The following NDUFA11 variants were observed in gnomAD, a reference collection of about 807,000 sequenced individuals.
NDUFA11 encodes NADH:ubiquinone oxidoreductase subunit A11, also known as NADH dehydrogenase [ubiquinone] 1 alpha subcomplex subunit 11.
Under a neutral mutation model 11.3 loss-of-function variants are expected in NDUFA11, and 14 were observed. The ratio of observed to expected loss-of-function variants is 1.24; its 90% confidence interval spans 0.82 to 1.94. The LOEUF (loss-of-function observed/expected upper bound fraction) is 1.94, where lower values mean the gene tolerates loss of function less well. NDUFA11 is among the 30% of genes most tolerant of loss of function. The pLI is 0.00. For missense variants in NDUFA11, 204 were observed against 200.3 expected (o/e 1.02, Z -0.11); for synonymous variants, 87 against 85.6 (o/e 1.02, Z -0.09).
In NDUFA11 at chr19:5,896,583, G is replaced by A. The variant is rs368649093; in HGVS notation, c.191-8C>T. The A allele has an allele frequency of 3.2e-6, 5 of 1,562,344 alleles. No homozygotes were observed. In the African/African-American group the frequency reaches 4.1e-5, roughly 13 times the overall value. Reference sequence around the variant, plus strand: ...ACACGGCCCCGACAGCAGCTGCGGGGTAGACGGGAAGAGCAAGGGCCTCGA... The same window carrying A: ...ACACGGCCCCGACAGCAGCTGCGGGATAGACGGGAAGAGCAAGGGCCTCGA... On this transcript the variant is annotated splice_polypyrimidine_tract_variant and splice_region_variant and intron_variant, in intron 2 of 3. Coordinates refer to ENST00000308961, the MANE Select transcript of NDUFA11 (RefSeq NM_175614.5). The surrounding 1 kb of genome is among the most constrained non-coding windows in gnomAD (Gnocchi z 5.8).
intron 3 of NDUFA11, chr19:5,895,096 G>A (rs1405945822): frequency 2.6e-5 from 14 of 540,126 alleles, no homozygotes; most frequent in Middle Eastern, 5.0e-4. Flanking sequence ...TCCTCATCCC[G>A]CCCCACACTG....
downstream of NDUFA11, chr19:5,893,326 G>T: frequency 1.1e-6 from 1 of 887,868 alleles, no homozygotes; most frequent in Non-Finnish European, 1.7e-6. The surrounding 1 kb of genome is among the most constrained non-coding windows in gnomAD (Gnocchi z 4.1). Context: ...TTAGCTGGCT[G>T]TAGTGGTGCA....
intron 1 of NDUFA11, among the ~76,000 whole-genome samples, chr19:5,902,132 T>C (rs1211687911): frequency 6.6e-6 from 1 of 150,420 alleles, no homozygotes; most frequent in East Asian, 2.0e-4. Context: ...CCCGCCATCA[T>C]GCCTGGCTGA....
Position 5,896,897 on chromosome 19 carries a change from G to A in NDUFA11, c.190+8C>T, listed in dbSNP as rs560780638. Reference sequence around the variant, plus strand: ...AGGGCCCAGCCATGCCCAGCCCAGCGTGCTCACCTGCAGTGAACGTGTATT... The same window carrying A: ...AGGGCCCAGCCATGCCCAGCCCAGCATGCTCACCTGCAGTGAACGTGTATT... On this transcript the variant is annotated splice_region_variant and intron_variant, in intron 2 of 3. Coordinates refer to ENST00000308961, the MANE Select transcript of NDUFA11 (RefSeq NM_175614.5). The surrounding 1 kb of genome is among the most constrained non-coding windows in gnomAD (Gnocchi z 5.8). 3.7e-6 allele frequency: 6 copies of A among 1,610,702 alleles called. No homozygotes were observed. Among genetic ancestry groups the A allele is most frequent in the South Asian group, 1.1e-5 (1 of 91,024 alleles).
At chr19:5,895,717 G>A (rs2144948938) in intron 3 of NDUFA11, 1 of 153,276 alleles carries the variant, frequency 6.5e-6, no homozygotes, top group Non-Finnish European at 1.5e-5. Flanking sequence ...CACTGACGCT[G>A]AGCCCGGGCC....
chr19:5,892,732 C>T (rs10432306), downstream of NDUFA11: 342,525 of 792,222 alleles, frequency 0.43, 79,559 homozygotes, highest in East Asian at 0.72. Context: ...CCCTGCCGGC[C>T]GCAGTAGAGA....
Position 5,896,922 on chromosome 19 carries a change from T to C in NDUFA11, c.173A>G (p.Gln58Arg). The change falls in exon 2 of 4, where the codon CAA becomes CGA. Residue 58 changes from glutamine (Q) to arginine (R), a missense_variant. Transcript: ENST00000308961. This position sits in a 1 kb window ranked among gnomAD's most constrained non-coding sequence, Gnocchi z 5.8. The part of the protein sequence containing the change: ...TFLEGVAKVG[Q>R]YTFTAAAVGA... ...GTGCTCACCTGCAGTGAACGTGTAT[T>C]GTCCAACCTTAGCCACTCCTTCAAG... is the stretch of plus-strand genomic sequence containing the variant. 10 of 1,613,992 alleles carry C rather than the reference T, an allele frequency of 6.2e-6. No homozygotes were observed. Among genetic ancestry groups the C allele is most frequent in the Non-Finnish European group, 8.5e-6 (10 of 1,179,970 alleles).
chr19:5,896,912 G>T lies in NDUFA11; in HGVS notation c.183C>A (p.Phe61Leu), dbSNP rs1388794543. 2 of 1,613,668 alleles carry T rather than the reference G, an allele frequency of 1.2e-6. No homozygotes were observed. Among genetic ancestry groups the T allele is most frequent in the South Asian group, 1.1e-5 (1 of 91,062 alleles). ...EGVAKVGQYT[F>L]TAAAVGAVFG... The stretch of plus-strand genomic sequence containing the variant: ...CCAGCCCAGCGTGCTCACCTGCAGT[G>T]AACGTGTATTGTCCAACCTTAGCCA... Residue 61 changes from phenylalanine (F) to leucine (L), a missense_variant, in exon 2 of 4, where the codon TTC becomes TTA. Coordinates refer to ENST00000308961, the MANE Select transcript of NDUFA11 (RefSeq NM_175614.5). This position sits in a 1 kb window ranked among gnomAD's most constrained non-coding sequence, Gnocchi z 5.8.
chr19:5,899,148 CTTT>C (rs550114615), intron 1 of NDUFA11, among the ~76,000 whole-genome samples: 1 of 139,178 alleles, frequency 7.2e-6, no homozygotes. Flanking sequence ...TATGAAGATT[CTTT>C]TTTTTTTTTT....
chr19:5,899,096 A>G (rs964993619), intron 1 of NDUFA11, among the ~76,000 whole-genome samples: 1 of 151,102 alleles, frequency 6.6e-6, no homozygotes, highest in Admixed American at 6.6e-5. Flanking sequence ...CCCCCCTTCC[A>G]AATTCTTTTA....
chr19:5,903,743 C>A lies in NDUFA11; in HGVS notation c.-35G>T. The A allele has an allele frequency of 6.5e-7, 1 of 1,548,086 alleles. No homozygotes were observed. The highest frequency in any genetic ancestry group is 8.7e-7 in the Non-Finnish European group (1 of 1,144,126). ...TCTCGATCCCGCACCACGGACCCCG[C>A]CAGCTCGGGAAGCGCAAGGGCAGCC... On this transcript the variant is annotated 5_prime_UTR_variant, in exon 1 of 4. Coordinates refer to ENST00000308961, the MANE Select transcript of NDUFA11 (RefSeq NM_175614.5).
In NDUFA11 at chr19:5,896,805, G is replaced by C. The variant is rs555896583; in HGVS notation, c.190+100C>G. ...TCCGGATGGCCAGCACTGTGGACAC[G>C]GGCTGGGGAGTCAGAGAGAAGAGGC... On this transcript the variant is annotated intron_variant, in intron 2 of 3. Transcript: ENST00000308961. This position sits in a 1 kb window ranked among gnomAD's most constrained non-coding sequence, Gnocchi z 5.8. 8.1e-7 allele frequency: 1 copy of C among 1,233,134 alleles called. No homozygotes were observed. Among genetic ancestry groups the C allele is most frequent in the Non-Finnish European group, 1.2e-6 (1 of 837,652 alleles). The allele number at this position is 1,233,134 out of a possible 1,614,324, so 76.4% of individuals were successfully genotyped here. A position where few individuals can be genotyped will look rare whatever the true frequency, so the allele number is the denominator to read the frequency against.
chr19:5,903,690 G>T lies in NDUFA11; in HGVS notation c.19C>A (p.Arg7Ser). The T allele has an allele frequency of 6.4e-7, 1 of 1,551,518 alleles. No individual in the cohort carries two copies. The highest frequency in any genetic ancestry group is 8.7e-7 in the Non-Finnish European group (1 of 1,146,906). Residue 7 changes from arginine to serine, a missense_variant, in exon 1 of 4, where the codon CGT becomes AGT. Coordinates refer to ENST00000308961, the MANE Select transcript of NDUFA11 (RefSeq NM_175614.5). Reference sequence around the variant, plus strand: ...CCATCGGGGATATCCCAGTACTGACGAAAAACCTTCGGCGCCATAGCCCGC... The same window carrying T: ...CCATCGGGGATATCCCAGTACTGACTAAAAACCTTCGGCGCCATAGCCCGC... MAPKVF[R>S]QYWDIPDGTD...
At chr19:5,893,220 G>C (rs759158840), downstream of NDUFA11, 52 of 1,530,654 alleles carry the variant, frequency 3.4e-5, no homozygotes, top group South Asian at 6.2e-4. The surrounding 1 kb of genome is among the most constrained non-coding windows in gnomAD (Gnocchi z 4.1). Flanking sequence ...CACTCTGGGA[G>C]GCTGAGGTGT....
At chr19:5,894,594 T>G (rs915479011), downstream of NDUFA11, 3 of 1,506,064 alleles carry the variant, frequency 2.0e-6, no homozygotes, top group Non-Finnish European at 2.7e-6. Flanking sequence ...GGGCCTTATC[T>G]TATCTCCCTT....
intron 1 of NDUFA11, among the ~76,000 whole-genome samples, chr19:5,902,812 C>G (rs1163798073): frequency 6.6e-6 from 1 of 152,084 alleles, no homozygotes; most frequent in Non-Finnish European, 1.5e-5. Context: ...AGTTCCAGAT[C>G]AGTCTGGCCA....
Position 5,894,821 on chromosome 19 carries a change from A to G in NDUFA11, c.347T>C (p.Val116Ala), listed in dbSNP as rs1318778118. 6.2e-7 allele frequency: 1 copy of G among 1,612,778 alleles called. No homozygotes were observed. The part of the protein sequence containing the change: ...HNYGIGAAAC[V>A]YFGIAASLVK... ...CAGGGAGGCCGCTATGCCAAAGTAC[A>G]CGCAGGCGGCGGCGCCAATCCCGTA... is the stretch of plus-strand genomic sequence containing the variant. Residue 116 changes from valine to alanine, a missense_variant, in exon 4 of 4, where the codon GTG (valine) becomes GCG (alanine). Val to Ala is a moderately conservative substitution (Grantham distance 64). Coordinates refer to ENST00000308961, the MANE Select transcript of NDUFA11 (RefSeq NM_175614.5).
chr19:5,892,835 G>C, downstream of NDUFA11: 1 of 1,385,558 alleles, frequency 7.2e-7, no homozygotes, highest in Non-Finnish European at 9.4e-7. Flanking sequence ...GGGCATCTCT[G>C]AGGGGCCCTT....
downstream of NDUFA11, chr19:5,894,545 T>TGGCAGGGAC (rs2057595242): frequency 8.7e-7 from 1 of 1,151,478 alleles, no homozygotes; most frequent in Non-Finnish European, 1.2e-6. Flanking sequence ...CTGGTACCCT[T>TGGCAGGGAC]GGCAGGGACG....
Sources: gnomAD v4.1 joint callset for allele counts (sites outside exome capture counted in the v4.1 genomes callset) on GRCh38, gnomAD v4.1.1 for gene constraint, Gnocchi (gnomAD v3.1) non-coding constraint, MANE v1.5 for transcripts, NCBI Gene and HGNC (gene_info 2026-07-23, HGNC 2026-07-21) for gene names.